The following NUP210L variants were observed in gnomAD, a reference collection of about 807,000 sequenced individuals.
The protein encoded by NUP210L is nucleoporin 210 like, also known as nuclear pore membrane glycoprotein 210-like.
A neutral mutation model predicts 208.5 loss-of-function variants in NUP210L; 74 were observed. The observed-to-expected ratio is 0.35, with a 90% CI of 0.29 to 0.43. The LOEUF (loss-of-function observed/expected upper bound fraction) is 0.43, where lower values mean the gene tolerates loss of function less well. NUP210L is among the 20% of genes least tolerant of loss of function. The pLI is 1.00. For synonymous variants in NUP210L, 780 were observed against 816.9 expected, an observed-to-expected ratio of 0.95 and a Z score of 0.77; for missense variants, 1,843 against 2,289.4, an observed-to-expected ratio of 0.81 and a Z score of 3.98.
At chr1:154,122,978 G>T (rs1030193688) in intron 10 of NUP210L, among the ~76,000 whole-genome samples, 3 of 150,422 alleles carry the variant, frequency 2.0e-5, no homozygotes, top group African/African-American at 7.4e-5. Context: ...TTGGGCCCAG[G>T]AGGTCAAGGC....
intron 3 of NUP210L, among the ~76,000 whole-genome samples, chr1:154,143,032 T>C (rs188513135): frequency 1.8e-3 from 268 of 151,768 alleles, no homozygotes; most frequent in African/African-American, 6.2e-3. Context: ...CTACTAAAAA[T>C]ACAAAATTAG....
At chr1:154,140,997 GAAA>G (rs57099838) in intron 4 of NUP210L, among the ~76,000 whole-genome samples, 3 of 63,066 alleles carry the variant, frequency 4.8e-5, no homozygotes, top group Non-Finnish European at 9.9e-5. Flanking sequence ...CCATCTCGAA[GAAA>G]AAAAAAAAAA....
At chr1:154,107,878 A>G (rs1656849652) in intron 12 of NUP210L, among the ~76,000 whole-genome samples, 1 of 152,138 alleles carries the variant, frequency 6.6e-6, no homozygotes, top group South Asian at 2.1e-4. Context: ...AAAAATAGAA[A>G]AGAAAGAAAA....
chr1:154,103,986 G>A (rs1389933892), intron 13 of NUP210L, 26 bp downstream of exon 13: 2 of 1,532,034 alleles, frequency 1.3e-6, no homozygotes, highest in Non-Finnish European at 1.8e-6. Flanking sequence ...GACAAAGGAA[G>A]GAGAAGATAA....
chr1:154,123,069 A>AAAAAAAAAAAAT (rs371321267), intron 10 of NUP210L, among the ~76,000 whole-genome samples: 1 of 142,888 alleles, frequency 7.0e-6, no homozygotes. Flanking sequence ...AAAAAAAAAA[A>AAAAAAAAAAAAT]CCACAAAAAA....
At chr1:154,143,598 G>C in intron 2 of NUP210L, 21 bp from the exon 3 acceptor site, 1 of 1,600,470 alleles carries the variant, frequency 6.2e-7, no homozygotes, top group Non-Finnish European at 8.5e-7. Flanking sequence ...CCCAAAAACT[G>C]AGTATTTAAT....
chr1:154,095,017 C>G, exon 15 of NUP210L: 1 of 1,614,128 alleles, frequency 6.2e-7, no homozygotes, highest in Non-Finnish European at 8.5e-7. Context: ...TTGTGCTATT[C>G]CAATCTTCTC....
chr1:154,095,079 T>C (rs1283057694), exon 15 of NUP210L: 2 of 1,614,134 alleles, frequency 1.2e-6, no homozygotes, highest in Admixed American at 1.7e-5. Flanking sequence ...CCAAGATCCA[T>C]GGACGAGGAC....
chr1:154,127,336 C>G (rs1658034529), exon 9 of NUP210L: 4 of 1,594,808 alleles, frequency 2.5e-6, no homozygotes, highest in East Asian at 2.2e-5. Context: ...CTTTGTGCTG[C>G]TTTTATCAAA....
chr1:154,147,862 G>A (rs1370777545), intron 2 of NUP210L, among the ~76,000 whole-genome samples: 1 of 149,152 alleles, frequency 6.7e-6, no homozygotes, highest in Non-Finnish European at 1.5e-5. Context: ...TCACCATGTT[G>A]GCAAGCCTGG....
intron 27 of NUP210L, among the ~76,000 whole-genome samples, chr1:154,045,757 G>A (rs1653140342): frequency 6.6e-6 from 1 of 152,116 alleles, no homozygotes; most frequent in Non-Finnish European, 1.5e-5. Flanking sequence ...CACAGTGGGT[G>A]GATCACCTAA....
chr1:154,050,699 A>T (rs868653199), intron 25 of NUP210L, among the ~76,000 whole-genome samples: 2 of 152,176 alleles, frequency 1.3e-5, no homozygotes, highest in African/African-American at 2.4e-5. Flanking sequence ...AAATCCATTT[A>T]GCTGATTTTG....
chr1:154,103,565 G>A (rs1208563713), intron 13 of NUP210L, among the ~76,000 whole-genome samples: 7 of 148,838 alleles, frequency 4.7e-5, no homozygotes, highest in Non-Finnish European at 1.0e-4. Context: ...CCAGCTACTC[G>A]GGAGGCTGAG....
chr1:154,048,505 T>C (rs753288611), intron 25 of NUP210L, among the ~76,000 whole-genome samples: 1 of 152,244 alleles, frequency 6.6e-6, no homozygotes, highest in Non-Finnish European at 1.5e-5. Flanking sequence ...AACATTGGAC[T>C]AATCAGTGTC....
chr1:154,045,245 G>A (rs1462429258), intron 27 of NUP210L, among the ~76,000 whole-genome samples: 1 of 152,122 alleles, frequency 6.6e-6, no homozygotes, highest in Non-Finnish European at 1.5e-5. Context: ...TGGGCTGGGA[G>A]CATGCTAAAC....
chr1:154,117,193 A>G (rs1433488008), intron 12 of NUP210L, among the ~76,000 whole-genome samples: 1 of 152,222 alleles, frequency 6.6e-6, no homozygotes, highest in Non-Finnish European at 1.5e-5. Flanking sequence ...CGAGGTGGAT[A>G]CTAACATCAT....
chr1:154,136,486 A>G (rs1169004527), intron 6 of NUP210L, among the ~76,000 whole-genome samples: 2 of 151,430 alleles, frequency 1.3e-5, no homozygotes, highest in African/African-American at 2.4e-5. Context: ...AATTAAAAAT[A>G]TATATATACA....
chr1:154,100,251 A>T, intron 13 of NUP210L, 108 bp from the exon 14 acceptor site: 1 of 949,100 alleles, frequency 1.1e-6, no homozygotes. Context: ...GAAGTTTAAG[A>T]CCCGCCTGAA....
At chr1:154,114,365 T>A (rs1657205577) in intron 12 of NUP210L, among the ~76,000 whole-genome samples, 2 of 152,280 alleles carry the variant, frequency 1.3e-5, no homozygotes, top group Non-Finnish European at 2.9e-5. Context: ...TTCTGCTAGT[T>A]CCTCTTCCTA....
Sources: allele counts gnomAD v4.1 joint callset (sites outside exome capture counted in the v4.1 genomes callset), GRCh38; gene constraint gnomAD v4.1.1; transcripts MANE v1.5; gene names NCBI Gene and HGNC (gene_info 2026-07-23, HGNC 2026-07-21).